Variants in NAT10 observed in about 807,000 individuals in gnomAD.
NAT10 encodes the protein RNA cytidine acetyltransferase.
In NAT10, 109 loss-of-function variants were observed where a neutral mutation model predicts 132.2. The observed-to-expected ratio is 0.82, with a 90% CI of 0.71 to 0.97. The LOEUF is 0.97. Among genes scored for constraint, NAT10 ranks in the 50% least tolerant of loss-of-function variants. The probability of loss-of-function intolerance (pLI) is 0.00; values close to 1 mark genes in which losing one functional copy is unlikely to be tolerated. For synonymous variants in NAT10, 479 were observed against 478.0 expected (o/e 1.00, Z -0.03); for missense variants, 1,184 against 1,263.4 (o/e 0.94, Z 0.95).
intron 8 of NAT10, among the ~76,000 whole-genome samples, chr11:34,120,972 G>A (rs1355785441): frequency 2.0e-5 from 3 of 152,168 alleles, no homozygotes; most frequent in African/African-American, 7.2e-5. Flanking sequence ...AGCAGCATGT[G>A]CATGGGCCTG....
intron 25 of NAT10, 65 bp from the exon 26 acceptor site, chr11:34,141,654 G>A: frequency 7.0e-7 from 1 of 1,437,760 alleles, no homozygotes; most frequent in Non-Finnish European, 9.8e-7. Flanking sequence ...AAGTGTCTGG[G>A]TCACGGGTGA....
intron 8 of NAT10, among the ~76,000 whole-genome samples, chr11:34,120,772 T>C (rs1851878956): frequency 6.6e-6 from 1 of 152,086 alleles, no homozygotes. Flanking sequence ...AGATGCTACG[T>C]ACAATGGGAA....
At chr11:34,137,307 G>A (rs1350823057) in intron 21 of NAT10, among the ~76,000 whole-genome samples, 3 of 152,226 alleles carry the variant, frequency 2.0e-5, no homozygotes, top group East Asian at 3.8e-4. Context: ...GGAAAGGAGA[G>A]TGGACAGGAG....
intron 27 of NAT10, among the ~76,000 whole-genome samples, chr11:34,142,813 A>G (rs773163497): frequency 6.6e-6 from 1 of 152,122 alleles, no homozygotes; most frequent in Non-Finnish European, 1.5e-5. Flanking sequence ...CTCTCCCTCC[A>G]CTGCCTGGAT....
rs934988735 is a variant in NAT10, at chr11:34,112,302, A to C, written c.372+79A>C. The C allele has an allele frequency of 7.2e-6, 11 of 1,531,210 alleles. No individual in the cohort carries two copies. The African/African-American group carries it at 9.6e-5, about 13-fold the overall frequency. The allele number at this position is 1,531,210 out of a possible 1,614,324, so 94.9% of individuals were successfully genotyped here. A position where few individuals can be genotyped will look rare whatever the true frequency, so the allele number is the denominator to read the frequency against. ...GGCTGCCTGGCTTTCCACTGGGAACAGATGTACAGTAAGGAGAGGAGAGTC... is the reference window on the plus strand; with the variant it reads ...GGCTGCCTGGCTTTCCACTGGGAACCGATGTACAGTAAGGAGAGGAGAGTC... On this transcript the variant is annotated intron_variant, in intron 4 of 28. Transcript: ENST00000257829.
intron 5 of NAT10, among the ~76,000 whole-genome samples, chr11:34,115,184 A>G (rs1184716828): frequency 6.6e-6 from 1 of 152,206 alleles, no homozygotes; most frequent in Non-Finnish European, 1.5e-5. Flanking sequence ...AATAAATTTG[A>G]TGGGAACAGA....
intron 5 of NAT10, among the ~76,000 whole-genome samples, chr11:34,114,671 C>A (rs1313226434): frequency 6.6e-6 from 1 of 152,200 alleles, no homozygotes; most frequent in Non-Finnish European, 1.5e-5. Flanking sequence ...CTCTGCCTGG[C>A]TCGCTTCCTC....
chr11:34,126,905 C>G (rs1395020399), intron 11 of NAT10, among the ~76,000 whole-genome samples: 1 of 152,240 alleles, frequency 6.6e-6, no homozygotes, highest in Non-Finnish European at 1.5e-5. Context: ...AAATGTCCGT[C>G]AGTGCAGGGA....
chr11:34,107,027 A>G (rs1419958212), intron 1 of NAT10: 1 of 125,548 alleles, frequency 8.0e-6, no homozygotes, highest in South Asian at 2.6e-4. Context: ...AGGTAATCAC[A>G]GAACTTTTTT....
chr11:34,141,191 A>G lies in NAT10; in HGVS notation c.2695A>G (p.Ile899Val), dbSNP rs1565119985. The stretch of plus-strand genomic sequence containing the variant: ...GTTGATGGGACTTTTCAACCGGATC[A>G]TCCGCAAAGTTGTGAAGGTAACCTC... The part of the protein sequence containing the change: ...GQLMGLFNRI[I>V]RKVVKLFNEV... Residue 899 changes from isoleucine (I) to valine (V), a missense_variant, in exon 25 of 29, where the codon ATC (isoleucine) becomes GTC (valine). Coordinates refer to ENST00000257829, the MANE Select transcript of NAT10 (RefSeq NM_024662.3). 1 of 1,614,062 alleles carries G rather than the reference A, an allele frequency of 6.2e-7. No homozygotes were observed. The highest frequency in any genetic ancestry group is 2.2e-5 in the East Asian group (1 of 44,870).
chr11:34,105,961 C>T (rs1056522578), intron 1 of NAT10, 169 bp downstream of exon 1: 7 of 152,392 alleles, frequency 4.6e-5, no homozygotes, highest in African/African-American at 1.7e-4. Flanking sequence ...AACAGAATCA[C>T]CTCTCCAATA....
chr11:34,131,381 C>T lies in NAT10; in HGVS notation c.1370C>T (p.Ala457Val), dbSNP rs755508883. Reference sequence around the variant, plus strand: ...TTGTGTGTGTGATTGTGGGGAGCAGCGCGGACACTGTATGAGGTTTCCCTC... The same window carrying T: ...TTGTGTGTGTGATTGTGGGGAGCAGTGCGGACACTGTATGAGGTTTCCCTC... Reference protein sequence around the residue: ...KTTTTARLASARTLYEVSLQE... With the variant: ...KTTTTARLASVRTLYEVSLQE... Residue 457 changes from alanine (A) to valine (V), a missense_variant and splice_region_variant, in exon 14 of 29, where the codon GCG (alanine) becomes GTG (valine). By Grantham distance (64) the Ala-to-Val change is moderately conservative. Transcript: ENST00000257829. 13 of 1,611,998 alleles carry T rather than the reference C, an allele frequency of 8.1e-6. No individual in the cohort carries two copies. In the East Asian group the frequency reaches 8.9e-5, roughly 11 times the overall value.
chr11:34,127,614 G>A lies in NAT10; in HGVS notation c.1244+15G>A. 2.5e-6 allele frequency: 4 copies of A among 1,595,284 alleles called. No individual in the cohort carries two copies. The highest frequency in any genetic ancestry group is 3.4e-6 in the Non-Finnish European group (4 of 1,165,692). On this transcript the variant is annotated intron_variant, in intron 12 of 28. Transcript: ENST00000257829. ...ACCATCAATGGGTAAGGTACTGTGG[G>A]CAGGAGTCCTTACTCCCGTGGCAGG...
intron 19 of NAT10, among the ~76,000 whole-genome samples, chr11:34,136,341 C>T (rs1852211811): frequency 6.6e-6 from 1 of 152,168 alleles, no homozygotes; most frequent in Non-Finnish European, 1.5e-5. Flanking sequence ...CTCAGTCTCC[C>T]AAAGTGCTGG....
intron 2 of NAT10, 148 bp from the exon 3 acceptor site, chr11:34,108,594 A>G: frequency 1.3e-6 from 1 of 767,742 alleles, no homozygotes; most frequent in South Asian, 1.9e-5. Context: ...TTCTAGTCCA[A>G]ACCTGGTCAT....
chr11:34,135,486 A>G (rs556397022), intron 19 of NAT10, among the ~76,000 whole-genome samples, 195 bp downstream of exon 19: 1 of 152,288 alleles, frequency 6.6e-6, no homozygotes, highest in South Asian at 2.1e-4. Context: ...TTAAAAATGT[A>G]AATTCTTGAG....
intron 15 of NAT10, among the ~76,000 whole-genome samples, chr11:34,132,638 T>C (rs1852126247): frequency 6.6e-6 from 1 of 152,250 alleles, no homozygotes; most frequent in African/African-American, 2.4e-5. Flanking sequence ...AATGTCTAGA[T>C]AGTATTTTTA....
intron 2 of NAT10, 139 bp from the exon 3 acceptor site, chr11:34,108,603 A>G: frequency 1.2e-6 from 1 of 803,764 alleles, no homozygotes; most frequent in Non-Finnish European, 2.0e-6. Flanking sequence ...AAACCTGGTC[A>G]TTGCTCGCCT....
Position 34,146,900 on chromosome 11 carries a change from C to G in NAT10, c.*708C>G, listed in dbSNP as rs1852454117. The G allele has an allele frequency of 6.6e-6, 1 of 152,276 alleles. No homozygotes were observed. The highest frequency in any genetic ancestry group is 2.1e-4 in the South Asian group (1 of 4,834). The allele number at this position is 152,276 out of a possible 1,614,324, so 9.4% of individuals were successfully genotyped here. On this transcript the variant is annotated 3_prime_UTR_variant, in exon 29 of 29. Transcript: ENST00000257829. ...GAATCTATTTTTAATAAATAACATTCTAGAAAGATCAGCTGCCTGTGAGTG... is the reference window on the plus strand; with the variant it reads ...GAATCTATTTTTAATAAATAACATTGTAGAAAGATCAGCTGCCTGTGAGTG...
Sources: gnomAD v4.1 joint callset for allele counts (sites outside exome capture counted in the v4.1 genomes callset) on GRCh38, gnomAD v4.1.1 for gene constraint, MANE v1.5 for transcripts, NCBI Gene and HGNC (gene_info 2026-07-23, HGNC 2026-07-21) for gene names.